Variants in MED12L observed in about 807,000 individuals in gnomAD.
The protein encoded by MED12L is mediator complex subunit 12L.
MED12L carries 60 observed loss-of-function variants against 281.3 expected under a neutral mutation model. That is an observed-to-expected ratio of 0.21 (90% CI 0.17 to 0.26). The LOEUF (loss-of-function observed/expected upper bound fraction) is 0.26. Among genes scored for constraint, MED12L ranks in the 10% least tolerant of loss-of-function variants. The pLI is 1.00. For missense variants in MED12L, 2,146 were observed against 2,680.9 expected (o/e 0.80, Z 4.41); for synonymous variants, 974 against 987.2 (o/e 0.99, Z 0.25).
chr3:151,356,090 G>A (rs1753883487), intron 19 of MED12L, 51 bp downstream of exon 19: 1 of 1,568,274 alleles, frequency 6.4e-7, no homozygotes, highest in Non-Finnish European at 8.7e-7. Context: ...AATCCACCAG[G>A]CATTGTGCAA....
chr3:151,359,509 A>G (rs1413988399), intron 20 of MED12L, among the ~76,000 whole-genome samples: 2 of 152,020 alleles, frequency 1.3e-5, no homozygotes, highest in African/African-American at 2.4e-5. Context: ...TAGACATCCT[A>G]TGTTCTCTCC....
rs190172738 is a variant in MED12L at position 151,279,469 on chromosome 3, C to T, written c.2251-70590C>T. Among the ~76,000 whole-genome samples the T allele has an allele frequency of 9.3e-4, 142 of 152,314 alleles. 1 individual carries two copies. Among genetic ancestry groups the T allele is most frequent in the Admixed American group, 2.7e-3 (41 of 15,292 alleles). ...TGAAGAGTATTTTCTTACTTTCTGTCTCACAGACTTGCTAGTCACTGTTGA... is the reference window on the plus strand; with the variant it reads ...TGAAGAGTATTTTCTTACTTTCTGTTTCACAGACTTGCTAGTCACTGTTGA... On this transcript the variant is annotated intron_variant, in intron 16 of 44. Coordinates refer to ENST00000687756, the MANE Select transcript of MED12L (RefSeq NM_001393769.1).
At chr3:151,229,099 G>A (rs1478810682) in intron 16 of MED12L, among the ~76,000 whole-genome samples, 1 of 152,162 alleles carries the variant, frequency 6.6e-6, no homozygotes, top group Non-Finnish European at 1.5e-5. Flanking sequence ...GTTTGTTCAA[G>A]ATTCAGGCTT....
intron 5 of MED12L, among the ~76,000 whole-genome samples, chr3:151,144,517 C>G (rs1717502358): frequency 6.6e-6 from 1 of 152,178 alleles, no homozygotes; most frequent in African/African-American, 2.4e-5. Flanking sequence ...ATTTTTGTAT[C>G]CTTGTCAGAG....
intron 16 of MED12L, among the ~76,000 whole-genome samples, chr3:151,320,097 T>C (rs1577324134): frequency 1.3e-5 from 2 of 152,190 alleles, no homozygotes; most frequent in East Asian, 1.9e-4. Context: ...CATATGACTT[T>C]TTCCTCCCTT....
intron 3 of MED12L, among the ~76,000 whole-genome samples, chr3:151,119,907 G>GA (rs1713472752): frequency 6.6e-6 from 1 of 151,934 alleles, no homozygotes; most frequent in Non-Finnish European, 1.5e-5. Context: ...TGGATGGATG[G>GA]AAACAAATGT....
chr3:151,357,390 A>C lies in MED12L; in HGVS notation c.2825+14A>C. 6.4e-7 allele frequency: 1 copy of C among 1,552,268 alleles called. No homozygotes were observed. Among genetic ancestry groups the C allele is most frequent in the South Asian group, 1.2e-5 (1 of 82,348 alleles). Reference sequence around the variant, plus strand: ...GGTGTTTGAAGGGTTGGTATATAGCATGTCATTGTTGTTTTTCCAATCTCA... The same window carrying C: ...GGTGTTTGAAGGGTTGGTATATAGCCTGTCATTGTTGTTTTTCCAATCTCA... On this transcript the variant is annotated intron_variant, in intron 20 of 44. Transcript: ENST00000687756.
chr3:151,294,427 A>C (rs750135413), intron 16 of MED12L: 10 of 1,614,106 alleles, frequency 6.2e-6, no homozygotes, highest in Non-Finnish European at 7.6e-6. Context: ...AAGTAAAAGG[A>C]ATTCTGCACA....
chr3:151,364,240 G>A (rs372237750), intron 21 of MED12L, among the ~76,000 whole-genome samples: 12 of 152,236 alleles, frequency 7.9e-5, no homozygotes, highest in African/African-American at 2.9e-4. Context: ...GAGGAGATAG[G>A]TTCTAATTCC....
At chr3:151,229,700 C>G (rs546014969) in intron 16 of MED12L, among the ~76,000 whole-genome samples, 2 of 151,754 alleles carry the variant, frequency 1.3e-5, no homozygotes, top group East Asian at 3.9e-4. Context: ...CTCCTGACCT[C>G]GTGATCCGCC....
At chr3:151,170,389 C>T (rs1374482134) in intron 11 of MED12L, among the ~76,000 whole-genome samples, 1 of 151,740 alleles carries the variant, frequency 6.6e-6, no homozygotes, top group African/African-American at 2.4e-5. Context: ...CATTCTCTGC[C>T]TCAGCCTCCC....
chr3:151,397,988 C>T (rs577845894), intron 39 of MED12L, among the ~76,000 whole-genome samples: 232 of 152,298 alleles, frequency 1.5e-3, no homozygotes, highest in African/African-American at 5.4e-3. Context: ...TAGTAACCCA[C>T]TGGTTACCCC....
At chr3:151,198,700 G>A (rs1725050507) in intron 16 of MED12L, 8 of 1,613,644 alleles carry the variant, frequency 5.0e-6, no homozygotes, top group South Asian at 1.1e-5. Flanking sequence ...TGTAGCCCGT[G>A]GTCACTAAAA....
intron 16 of MED12L, among the ~76,000 whole-genome samples, chr3:151,237,980 A>G (rs11717955): frequency 0.29 from 43,918 of 151,968 alleles, 6,770 homozygotes; most frequent in East Asian, 0.49. Context: ...TAGGCTTTCT[A>G]GATTGTGACT....
chr3:151,431,348 C>T (rs187296615), intron 44 of MED12L, among the ~76,000 whole-genome samples: 1 of 152,260 alleles, frequency 6.6e-6, no homozygotes, highest in East Asian at 1.9e-4. Flanking sequence ...TACTGAGGGG[C>T]AGCTTGGTTT....
At chr3:151,350,244 C>T in intron 17 of MED12L, 38 bp downstream of exon 17, 1 of 1,601,048 alleles carries the variant, frequency 6.2e-7, no homozygotes, top group Admixed American at 1.7e-5. Context: ...ATTGTGTTGC[C>T]TTTTGCCTTC....
In MED12L at chr3:151,163,971, C is replaced by T; in HGVS notation, c.1186C>T (p.Pro396Ser). Reference protein sequence around the residue: ...NENKSANPGSPLDLLQVAPSS... With the variant: ...NENKSANPGSSLDLLQVAPSS... ...AAATAAGAGCGCAAACCCAGGCTCA[C>T]CCCTGGATCTGCTGCAGGTGGCCCC... Residue 396 changes from proline (P) to serine (S), a missense_variant, in exon 9 of 45, where the codon CCC becomes TCC. This residue lies in a region of MED12L where 722 missense variants were observed against 861.2 expected (regional missense o/e 0.84). Transcript: ENST00000687756. 1 of 1,613,794 alleles carries T rather than the reference C, an allele frequency of 6.2e-7. No homozygotes were observed. Among genetic ancestry groups the T allele is most frequent in the Non-Finnish European group, 8.5e-7 (1 of 1,179,808 alleles).
chr3:151,306,445 G>A (rs1028095121), intron 16 of MED12L, among the ~76,000 whole-genome samples: 131 of 152,312 alleles, frequency 8.6e-4, no homozygotes, highest in African/African-American at 2.7e-3. Flanking sequence ...AAAAACTGAG[G>A]TTTCTGGTGT....
At chr3:151,158,655 C>T in intron 6 of MED12L, 34 bp from the exon 7 acceptor site, 1 of 1,420,772 alleles carries the variant, frequency 7.0e-7, no homozygotes, top group South Asian at 1.2e-5. Flanking sequence ...TTTTCTTTAA[C>T]ATTATTAATG....
Sources: allele counts gnomAD v4.1 joint callset (sites outside exome capture counted in the v4.1 genomes callset), GRCh38; gene constraint gnomAD v4.1.1; regional missense constraint gnomAD v4.1.1; transcripts MANE v1.5; gene names NCBI Gene and HGNC (gene_info 2026-07-23, HGNC 2026-07-21).